Variants in MID1 observed in about 807,000 individuals in gnomAD.
MID1 encodes midline 1.
Under a neutral mutation model 40.4 loss-of-function variants are expected in MID1, and 7 were observed. The observed-to-expected ratio is 0.17, with a 90% CI of 0.10 to 0.33. The LOEUF is 0.33. MID1 is among the 10% of genes least tolerant of loss of function. The pLI is 1.00. For synonymous variants in MID1, 229 were observed against 221.2 expected (o/e 1.04, Z -0.31); for missense variants, 367 against 558.5 (o/e 0.66, Z 3.46).
intron 1 of MID1, among the ~76,000 whole-genome samples, chrX:10,718,955 A>G (rs1464854541): frequency 8.9e-6 from 1 of 112,099 alleles, no homozygotes; most frequent in Non-Finnish European, 1.9e-5. Flanking sequence ...CCACATGATT[A>G]TCTCAATAGA....
chrX:10,695,175 A>G (rs935266466), intron 1 of MID1, among the ~76,000 whole-genome samples: 1 of 111,896 alleles, frequency 8.9e-6, no homozygotes, highest in Admixed American at 9.5e-5. Flanking sequence ...CCCAGGCGGC[A>G]GTGCAGTGGT....
intron 3 of MID1, chrX:10,501,272 G>C (rs1290895020): frequency 7.3e-6 from 4 of 546,202 alleles, no homozygotes; most frequent in Non-Finnish European, 1.1e-5. Context: ...TCTCAGGCTA[G>C]GCTCCTCAAT....
At chrX:10,552,979 T>C (rs1933974237) in intron 2 of MID1, among the ~76,000 whole-genome samples, 1 of 111,919 alleles carries the variant, frequency 8.9e-6, no homozygotes, top group African/African-American at 3.2e-5. Context: ...TTATAAATGG[T>C]GGCTCATGAT....
Position 10,660,611 on chromosome X carries a change from T to C in MID1, c.-186-40192A>G, listed in dbSNP as rs1400595189. Among the ~76,000 whole-genome samples, 3 of 112,616 alleles carry C rather than the reference T, an allele frequency of 2.7e-5. No homozygotes were observed. The East Asian group carries it at 8.3e-4, about 31-fold the overall frequency. The stretch of plus-strand genomic sequence containing the variant: ...TTGTTTTAAGGTCAGGATATTTCTA[T>C]AGACATTTTGCATTTTCTACCTATT... On this transcript the variant is annotated intron_variant, in intron 1 of 10. Coordinates refer to the MID1 transcript ENST00000380785.
At chrX:10,551,466 A>C (rs948350118) in intron 2 of MID1, among the ~76,000 whole-genome samples, 7 of 112,387 alleles carry the variant, frequency 6.2e-5, no homozygotes, top group African/African-American at 2.3e-4. Context: ...CAGAGACCTG[A>C]AAGGCATTAT....
At chrX:10,682,057 G>A (rs957992317) in intron 1 of MID1, among the ~76,000 whole-genome samples, 3 of 111,196 alleles carry the variant, frequency 2.7e-5, no homozygotes, top group African/African-American at 9.8e-5. Context: ...TGTAATCCTA[G>A]CACTTTGGGA....
intron 1 of MID1, among the ~76,000 whole-genome samples, chrX:10,703,053 C>A (rs968318213): frequency 8.9e-6 from 1 of 111,991 alleles, no homozygotes; most frequent in African/African-American, 3.2e-5. Flanking sequence ...GCTGTTTAAG[C>A]CATCCAGTCT....
chrX:10,462,940 C>CTAAG (rs781747057), intron 7 of MID1, among the ~76,000 whole-genome samples: 268 of 111,313 alleles, frequency 2.4e-3, no homozygotes, highest in Non-Finnish European at 4.0e-3. Context: ...TGAATGTTTT[C>CTAAG]TAAGTGACTA....
At chrX:10,618,499 G>T (rs1935877467) in intron 1 of MID1, among the ~76,000 whole-genome samples, 2 of 111,589 alleles carry the variant, frequency 1.8e-5, no homozygotes, top group Admixed American at 1.9e-4. Context: ...CTCCTCCCCT[G>T]TTCCATCCCA....
intron 2 of MID1, among the ~76,000 whole-genome samples, chrX:10,533,391 AAAAG>A (rs748385663): frequency 0.27 from 14,569 of 54,341 alleles, 2,281 homozygotes; most frequent in Non-Finnish European, 0.29. Flanking sequence ...AGAAAGAAAG[AAAAG>A]AAAGAAAGAA....
chrX:10,681,463 C>T (rs1193526387), intron 1 of MID1, among the ~76,000 whole-genome samples: 1 of 112,252 alleles, frequency 8.9e-6, no homozygotes, highest in African/African-American at 3.2e-5. Context: ...TGCCTGAGAC[C>T]TCAGTGGGAG....
intron 1 of MID1, among the ~76,000 whole-genome samples, chrX:10,653,985 T>C (rs1028319288): frequency 8.9e-6 from 1 of 112,487 alleles, no homozygotes; most frequent in Non-Finnish European, 1.9e-5. Context: ...TAGAAAGATG[T>C]ATGCATCATT....
chrX:10,546,148 T>C (rs779414767), intron 2 of MID1, among the ~76,000 whole-genome samples: 5 of 112,357 alleles, frequency 4.5e-5, no homozygotes, highest in Non-Finnish European at 9.4e-5. Context: ...ATGCCTGAAA[T>C]GTTCTAGCAT....
chrX:10,741,054 A>C (rs182138015), intron 1 of MID1, among the ~76,000 whole-genome samples: 1 of 112,022 alleles, frequency 8.9e-6, no homozygotes, highest in African/African-American at 3.2e-5. Flanking sequence ...ATGTGCAAAA[A>C]AGAGAAAAGT....
chrX:10,450,530 CTG>C (rs1928268180), intron 9 of MID1, among the ~76,000 whole-genome samples: 1 of 112,370 alleles, frequency 8.9e-6, no homozygotes, highest in Non-Finnish European at 1.9e-5. Context: ...TTATTATTGC[CTG>C]ATGGCACATA....
chrX:10,615,960 T>C (rs1035648715), intron 1 of MID1, among the ~76,000 whole-genome samples: 1 of 112,374 alleles, frequency 8.9e-6, no homozygotes, highest in African/African-American at 3.2e-5. Context: ...TTTGATATTC[T>C]CTTCCTTGAA....
chrX:10,764,830 G>A (rs1392824790), intron 1 of MID1, among the ~76,000 whole-genome samples: 2 of 111,953 alleles, frequency 1.8e-5, no homozygotes, highest in African/African-American at 6.5e-5. Context: ...TATTTTGTTG[G>A]TGACCATATT....
At chrX:10,799,433 C>G (rs1015159188) in intron 1 of MID1, among the ~76,000 whole-genome samples, 7 of 112,023 alleles carry the variant, frequency 6.2e-5, no homozygotes, top group Non-Finnish European at 1.3e-4. Context: ...ACTTAGATTT[C>G]TATTTGTGCA....
At chrX:10,458,560 C>T (rs1302372958) in intron 8 of MID1, among the ~76,000 whole-genome samples, 2 of 111,694 alleles carry the variant, frequency 1.8e-5, no homozygotes, top group Non-Finnish European at 3.8e-5. Context: ...GTGTACAGAA[C>T]TCTCTGTATT....
Sources: gnomAD v4.1 joint callset for allele counts (sites outside exome capture counted in the v4.1 genomes callset) on GRCh38, gnomAD v4.1.1 for gene constraint, MANE v1.5 for transcripts, NCBI Gene and HGNC (gene_info 2026-07-23, HGNC 2026-07-21) for gene names.